ZNF565: variants seen among roughly 807,000 people sequenced by gnomAD.
The protein encoded by ZNF565 is zinc finger protein 565.
Under a neutral mutation model 39.4 loss-of-function variants are expected in ZNF565, and 27 were observed. That is an observed-to-expected ratio of 0.69 (90% CI 0.51 to 0.95). ZNF565 has a LOEUF of 0.95. ZNF565 is among the 40% of genes least tolerant of loss of function. The pLI is 0.00. For missense variants in ZNF565, 524 were observed against 621.1 expected (o/e 0.84, Z 1.66); for synonymous variants, 185 against 216.6 (o/e 0.85, Z 1.28).
At chr19:36,188,483 G>A (rs567063404) in intron 4 of ZNF565, among the ~76,000 whole-genome samples, 2 of 151,798 alleles carry the variant, frequency 1.3e-5, no homozygotes, top group African/African-American at 2.4e-5. Flanking sequence ...AGGCTGAGGC[G>A]TGCAGGTCAG....
upstream of ZNF565, among the ~76,000 whole-genome samples, chr19:36,215,397 G>A (rs1193050577): frequency 6.6e-6 from 1 of 152,122 alleles, no homozygotes; most frequent in Non-Finnish European, 1.5e-5. Context: ...GTTTGGGATT[G>A]TTGAGTGAAT....
At chr19:36,230,011 C>T (rs997008347) in intron 1 of ZNF565, among the ~76,000 whole-genome samples, 2 of 152,184 alleles carry the variant, frequency 1.3e-5, no homozygotes, top group Non-Finnish European at 2.9e-5. Flanking sequence ...TGAGCCACCG[C>T]GCCTGGCTAA....
At chr19:36,208,105 A>G (rs1046305042) in intron 1 of ZNF565, among the ~76,000 whole-genome samples, 17 of 152,220 alleles carry the variant, frequency 1.1e-4, no homozygotes, top group African/African-American at 3.9e-4. Flanking sequence ...AAGCTTCAGA[A>G]ATAAGAGCAG....
At chr19:36,231,658 T>C (rs1259102646) in intron 1 of ZNF565, among the ~76,000 whole-genome samples, 2 of 152,170 alleles carry the variant, frequency 1.3e-5, no homozygotes, top group Non-Finnish European at 2.9e-5. Flanking sequence ...CAAATTAAAA[T>C]TTTCATCCTA....
At chr19:36,187,957 G>A (rs1975370992) in intron 4 of ZNF565, among the ~76,000 whole-genome samples, 2 of 151,736 alleles carry the variant, frequency 1.3e-5, no homozygotes, top group South Asian at 4.2e-4. Context: ...AACATATAAT[G>A]CAAAATTCAA....
At chr19:36,240,277 C>A (rs1977775977) in intron 1 of ZNF565, among the ~76,000 whole-genome samples, 1 of 152,202 alleles carries the variant, frequency 6.6e-6, no homozygotes, top group Non-Finnish European at 1.5e-5. Context: ...ATGATTCTAG[C>A]TAGGCATGTG....
chr19:36,239,663 C>T (rs1448267936), intron 1 of ZNF565, among the ~76,000 whole-genome samples: 1 of 152,140 alleles, frequency 6.6e-6, no homozygotes, highest in Non-Finnish European at 1.5e-5. Context: ...CTTCCCATAA[C>T]TTCCACAGTT....
chr19:36,205,714 C>T (rs992890532), intron 1 of ZNF565, among the ~76,000 whole-genome samples: 4 of 143,764 alleles, frequency 2.8e-5, no homozygotes. Context: ...GTTGCCCCTA[C>T]ACTTTTTCAG....
chr19:36,228,732 G>T (rs1977190431), intron 1 of ZNF565: 1 of 152,196 alleles, frequency 6.6e-6, no homozygotes, highest in Non-Finnish European at 1.5e-5. Context: ...GTAATACTGT[G>T]TCATTTTCCC....
Position 36,207,912 on chromosome 19 carries a change from G to C in ZNF565, c.-65-5862C>G, listed in dbSNP as rs544611323. ...ACCCTGTCTCTGCTGATCCACACTGGACATGTACATGAGCAGAAATAAAAT... is the reference window on the plus strand; with the variant it reads ...ACCCTGTCTCTGCTGATCCACACTGCACATGTACATGAGCAGAAATAAAAT... On this transcript the variant is annotated intron_variant, in intron 1 of 4. Transcript: ENST00000304116. 2.1e-4 allele frequency among the ~76,000 whole-genome samples: 32 copies of C among 152,264 alleles called. No individual in the cohort carries two copies. The South Asian group carries it at 6.4e-3, about 31-fold the overall frequency.
intron 2 of ZNF565, among the ~76,000 whole-genome samples, chr19:36,197,897 C>T (rs1357137199): frequency 2.0e-5 from 3 of 152,082 alleles, no homozygotes; most frequent in Non-Finnish European, 4.4e-5. Flanking sequence ...CCTGTAATCT[C>T]AGCACTTTGG....
At chr19:36,212,157 C>T (rs1047028559) in intron 1 of ZNF565, among the ~76,000 whole-genome samples, 14 of 152,024 alleles carry the variant, frequency 9.2e-5, no homozygotes, top group Admixed American at 6.6e-4. Flanking sequence ...TATTCTTGCC[C>T]CAAAGGCAGA....
At chr19:36,221,838 C>G (rs1299560665) in intron 1 of ZNF565, among the ~76,000 whole-genome samples, 1 of 151,242 alleles carries the variant, frequency 6.6e-6, no homozygotes, top group Admixed American at 6.6e-5. Flanking sequence ...CTCCACCTTA[C>G]ATAAAAGATA....
intron 1 of ZNF565, among the ~76,000 whole-genome samples, chr19:36,212,323 A>G (rs1329757248): frequency 6.6e-6 from 1 of 152,190 alleles, no homozygotes; most frequent in East Asian, 1.9e-4. Context: ...TACAAAAAGG[A>G]AAATGGAGAC....
chr19:36,244,721 T>TGG (rs2029880429), intron 1 of ZNF565, among the ~76,000 whole-genome samples: 4 of 150,866 alleles, frequency 2.7e-5, no homozygotes, highest in African/African-American at 9.8e-5. Flanking sequence ...TGTGGTGGCA[T>TGG]GCGCCTGTAA....
At chr19:36,198,440 C>T (rs921691347) in intron 2 of ZNF565, among the ~76,000 whole-genome samples, 1 of 152,054 alleles carries the variant, frequency 6.6e-6, no homozygotes, top group Non-Finnish European at 1.5e-5. Flanking sequence ...AACAATTCAA[C>T]TCATGGTCAT....
intron 2 of ZNF565, among the ~76,000 whole-genome samples, chr19:36,196,920 G>A (rs1014774029): frequency 6.6e-6 from 1 of 152,122 alleles, no homozygotes; most frequent in Non-Finnish European, 1.5e-5. Flanking sequence ...AGCTGCGCGT[G>A]GTGGCAGGTG....
chr19:36,239,024 C>T (rs1261126492), intron 1 of ZNF565, among the ~76,000 whole-genome samples: 1 of 152,184 alleles, frequency 6.6e-6, no homozygotes, highest in Non-Finnish European at 1.5e-5. Context: ...ACAGTTTCAT[C>T]CTGAAAACAT....
chr19:36,191,336 G>A (rs1042092069), intron 4 of ZNF565, among the ~76,000 whole-genome samples: 13 of 129,966 alleles, frequency 1.0e-4, no homozygotes, highest in African/African-American at 2.0e-4. Context: ...TTTTTTTCCC[G>A]AGATGGAGTC....
Sources: allele counts gnomAD v4.1 joint callset (sites outside exome capture counted in the v4.1 genomes callset), GRCh38; gene constraint gnomAD v4.1.1; transcripts MANE v1.5; gene names NCBI Gene and HGNC (gene_info 2026-07-23, HGNC 2026-07-21).